Variants in LPAR1 observed in about 807,000 individuals in gnomAD.
LPAR1 encodes the protein lysophosphatidic acid receptor 1.
Under a neutral mutation model 23.8 loss-of-function variants are expected in LPAR1, and 5 were observed. The observed-to-expected ratio is 0.21, with a 90% CI of 0.11 to 0.44. The LOEUF is 0.44. Among genes scored for constraint, LPAR1 ranks in the 20% least tolerant of loss-of-function variants. The pLI, the probability that LPAR1 is intolerant of heterozygous loss-of-function variation, is 0.99. For synonymous variants in LPAR1, 160 were observed against 164.7 expected (o/e 0.97, Z 0.22); for missense variants, 311 against 482.8 (o/e 0.64, Z 3.33).
intron 5 of LPAR1, among the ~76,000 whole-genome samples, chr9:110,905,346 A>ATTT (rs1359000599): frequency 1.6e-5 from 2 of 126,562 alleles, no homozygotes; most frequent in Non-Finnish European, 1.6e-5. Flanking sequence ...GCTTTTTTTT[A>ATTT]TTATTTTTTT....
chr9:110,964,488 T>A lies in LPAR1; in HGVS notation c.45+7585A>T, dbSNP rs370790630. 1.9e-4 allele frequency among the ~76,000 whole-genome samples: 29 copies of A among 152,296 alleles called. No homozygotes were observed. In the East Asian group the frequency reaches 2.7e-3, roughly 14 times the overall value. On this transcript the variant is annotated intron_variant, in intron 4 of 5. Transcript: ENST00000683809. The stretch of plus-strand genomic sequence containing the variant: ...TAACATAAGGGGATTTTTTAAAAGA[T>A]GACAATGCTAGGGATCCTAAAATAC...
chr9:111,008,563 T>G (rs1050913424), intron 2 of LPAR1, among the ~76,000 whole-genome samples: 2 of 152,132 alleles, frequency 1.3e-5, no homozygotes, highest in Non-Finnish European at 2.9e-5. Context: ...ATCAAAGACC[T>G]CTGCAAAAAG....
intron 2 of LPAR1, among the ~76,000 whole-genome samples, chr9:111,032,543 G>A (rs570944285): frequency 1.3e-5 from 2 of 151,962 alleles, no homozygotes; most frequent in Admixed American, 6.6e-5. Context: ...CCTGAGATGG[G>A]GGGAAAAAAA....
intron 4 of LPAR1, among the ~76,000 whole-genome samples, chr9:110,956,279 C>G (rs1401025952): frequency 6.6e-6 from 1 of 151,970 alleles, no homozygotes; most frequent in African/African-American, 2.4e-5. Context: ...AGGAGAAATA[C>G]TTAATGTAGG....
At chr9:111,010,482 A>C (rs999327870) in intron 2 of LPAR1, among the ~76,000 whole-genome samples, 6 of 152,134 alleles carry the variant, frequency 3.9e-5, no homozygotes, top group African/African-American at 1.4e-4. Context: ...ACCTATCTTA[A>C]AACATGTTAA....
chr9:110,903,453 T>C (rs1249946619), intron 5 of LPAR1: 2 of 151,566 alleles, frequency 1.3e-5, no homozygotes, highest in Non-Finnish European at 2.9e-5. Context: ...TTTTGAGAAA[T>C]TAAAAAAAGA....
chr9:110,941,660 C>T lies in LPAR1; in HGVS notation c.554G>A (p.Gly185Asp), dbSNP rs2095115459. Residue 185 changes from glycine (G) to aspartate (D), a missense_variant, in exon 5 of 6, where the codon GGC (glycine) becomes GAC (aspartate). By Grantham distance (94) the Gly-to-Asp change is moderately conservative. Transcript: ENST00000683809. This position sits in a 1 kb window ranked among gnomAD's most constrained non-coding sequence, Gnocchi z 6.1. ...TTCAATATCACAGATACAGTTCCAG[C>T]CCACACTGGGTATAGCACCCATAAC... ...AIVMGAIPSV[G>D]WNCICDIENC... 1.2e-6 allele frequency: 2 copies of T among 1,614,034 alleles called. No homozygotes were observed. The highest frequency in any genetic ancestry group is 1.3e-5 in the African/African-American group (1 of 74,934).
At chr9:111,028,733 T>C (rs1004046877) in intron 2 of LPAR1, among the ~76,000 whole-genome samples, 2 of 152,188 alleles carry the variant, frequency 1.3e-5, no homozygotes, top group African/African-American at 4.8e-5. Context: ...GACAAACCTT[T>C]ACGAGTTTCT....
intron 2 of LPAR1, chr9:110,999,407 C>T: frequency 6.6e-6 from 3 of 456,110 alleles, no homozygotes; most frequent in Middle Eastern, 3.3e-4. Context: ...TTTTCCAGAA[C>T]ACTGGAATGA....
chr9:110,892,532 C>T (rs563538074), intron 5 of LPAR1, among the ~76,000 whole-genome samples: 3 of 152,002 alleles, frequency 2.0e-5, no homozygotes, highest in South Asian at 2.1e-4. Context: ...GGCGAGGTGG[C>T]GTGTGCCTGT....
chr9:110,890,838 G>T (rs1471362244), intron 5 of LPAR1, among the ~76,000 whole-genome samples: 1 of 152,128 alleles, frequency 6.6e-6, no homozygotes, highest in Non-Finnish European at 1.5e-5. Flanking sequence ...CCAATGACTT[G>T]CCTGGTAAAA....
chr9:110,928,507 TA>T (rs2094190388), intron 5 of LPAR1, among the ~76,000 whole-genome samples: 1 of 152,120 alleles, frequency 6.6e-6, no homozygotes, highest in Admixed American at 6.6e-5. Context: ...TGTTTTTAAT[TA>T]AAACATCTTC....
intron 2 of LPAR1, among the ~76,000 whole-genome samples, chr9:110,981,779 A>G (rs897385385): frequency 3.9e-5 from 6 of 152,184 alleles, no homozygotes; most frequent in East Asian, 3.8e-4. Flanking sequence ...ACAAATTTAC[A>G]AGAAGAAAAC....
At position 110,980,103 on chromosome 9, in the gene LPAR1, G is replaced by A. The variant is rs750791704; in HGVS notation, c.-181-6545C>T. Among the ~76,000 whole-genome samples, 7 of 152,016 alleles carry A rather than the reference G, an allele frequency of 4.6e-5. 1 individual carries two copies. Among genetic ancestry groups the A allele is most frequent in the African/African-American group, 7.2e-5 (3 of 41,398 alleles). ...ATCATCCTATTAACACTGAATAATG[G>A]CCTAGTCAAAATCATGACCTAACTA... On this transcript the variant is annotated intron_variant, in intron 2 of 5. Transcript: ENST00000683809.
intron 2 of LPAR1, among the ~76,000 whole-genome samples, chr9:111,032,641 G>A (rs940577213): frequency 6.6e-6 from 1 of 152,124 alleles, no homozygotes; most frequent in Non-Finnish European, 1.5e-5. Flanking sequence ...GGGCAGTTAA[G>A]GGTTGGTCAA....
chr9:110,903,233 C>T (rs922518939), intron 5 of LPAR1: 7 of 152,056 alleles, frequency 4.6e-5, no homozygotes, highest in South Asian at 4.1e-4. Context: ...TTTAAAGCAG[C>T]CATCCTCAAA....
intron 2 of LPAR1, among the ~76,000 whole-genome samples, chr9:110,975,423 A>G (rs941952922): frequency 2.0e-5 from 3 of 152,204 alleles, no homozygotes; most frequent in Non-Finnish European, 4.4e-5. Flanking sequence ...CTATTCAGTT[A>G]TTTTACAGAG....
intron 4 of LPAR1, among the ~76,000 whole-genome samples, chr9:110,945,783 G>T (rs2095355380): frequency 6.6e-6 from 1 of 152,084 alleles, no homozygotes; most frequent in Non-Finnish European, 1.5e-5. Flanking sequence ...CACATCTCTT[G>T]GCTCATGGCT....
intron 2 of LPAR1, among the ~76,000 whole-genome samples, chr9:110,997,151 T>C (rs1283171384): frequency 6.6e-6 from 1 of 152,152 alleles, no homozygotes; most frequent in East Asian, 1.9e-4. Context: ...AAGGATGATA[T>C]AAAGAAGACA....
Sources: allele counts gnomAD v4.1 joint callset (sites outside exome capture counted in the v4.1 genomes callset), GRCh38; gene constraint gnomAD v4.1.1; non-coding constraint Gnocchi (gnomAD v3.1); transcripts MANE v1.5; gene names NCBI Gene and HGNC (gene_info 2026-07-23, HGNC 2026-07-21).